The following CAMSAP1 variants were observed in gnomAD, a reference collection of about 807,000 sequenced individuals.
CAMSAP1 encodes the protein calmodulin-regulated spectrin-associated protein 1.
In CAMSAP1, 58 loss-of-function variants were observed where a neutral mutation model predicts 143.5. The ratio of observed to expected loss-of-function variants is 0.40; its 90% confidence interval spans 0.33 to 0.50. CAMSAP1 has a LOEUF of 0.50. CAMSAP1 is among the 20% of genes least tolerant of loss of function. CAMSAP1 has a pLI of 0.45. For missense variants in CAMSAP1, 1,969 were observed against 2,115.7 expected (o/e 0.93, Z 1.36); for synonymous variants, 945 against 859.3 (o/e 1.10, Z -1.74).
chr9:135,855,494 T>G (rs1003484885), intron 5 of CAMSAP1, among the ~76,000 whole-genome samples: 2 of 152,096 alleles, frequency 1.3e-5, no homozygotes, highest in African/African-American at 4.8e-5. Flanking sequence ...ATCCCAGCAC[T>G]TTCAGAGGCC....
intron 3 of CAMSAP1, among the ~76,000 whole-genome samples, chr9:135,876,924 G>T (rs149096688): frequency 6.6e-6 from 1 of 152,190 alleles, no homozygotes; most frequent in African/African-American, 2.4e-5. Flanking sequence ...CAAGAGAATC[G>T]CTTGAACCCA....
In CAMSAP1 at chr9:135,818,178, G is replaced by A. The variant is rs944865104; in HGVS notation, c.4169-99C>T. 63 of 1,301,026 alleles carry A rather than the reference G, an allele frequency of 4.8e-5. No homozygotes were observed. Among genetic ancestry groups the A allele is most frequent in the Non-Finnish European group, 6.6e-5 (62 of 933,326 alleles). The allele number at this position is 1,301,026 out of a possible 1,614,324, so 80.6% of individuals were successfully genotyped here. ...CCCCTCACCTCGCCCTGCAGAGCTCGGCCACACAGGCCGCGTCCCCACCCC... is the reference window on the plus strand; with the variant it reads ...CCCCTCACCTCGCCCTGCAGAGCTCAGCCACACAGGCCGCGTCCCCACCCC... On this transcript the variant is annotated intron_variant, in intron 13 of 16. Coordinates refer to ENST00000389532, the MANE Select transcript of CAMSAP1 (RefSeq NM_015447.4). The surrounding 1 kb of genome is among the most constrained non-coding windows in gnomAD (Gnocchi z 7.7).
chr9:135,867,262 A>T (rs141067394), intron 3 of CAMSAP1, among the ~76,000 whole-genome samples: 238 of 152,282 alleles, frequency 1.6e-3, no homozygotes, highest in African/African-American at 4.1e-3. Flanking sequence ...AGACAAAAAA[A>T]ATATAGATAA....
chr9:135,816,534 C>T (rs938449236), intron 14 of CAMSAP1, among the ~76,000 whole-genome samples: 5 of 152,242 alleles, frequency 3.3e-5, no homozygotes, highest in African/African-American at 1.2e-4. Context: ...CTGGACACAG[C>T]TGCTCAGAGA....
At chr9:135,840,444 G>A (rs543442805) in intron 7 of CAMSAP1, among the ~76,000 whole-genome samples, 14 of 152,168 alleles carry the variant, frequency 9.2e-5, no homozygotes, top group Non-Finnish European at 1.8e-4. Context: ...CATGACTCAC[G>A]ACGGGGTCCG....
intron 8 of CAMSAP1, among the ~76,000 whole-genome samples, chr9:135,825,782 T>A (rs528217982): frequency 2.6e-4 from 40 of 152,134 alleles, no homozygotes; most frequent in African/African-American, 9.6e-4. Flanking sequence ...AGGGGACAGC[T>A]CGGCACCCTA....
rs116949700 is a variant in CAMSAP1, at chr9:135,832,859, T to C, written c.1046-5275A>G. Among the ~76,000 whole-genome samples, 307 of 152,178 alleles carry C rather than the reference T, an allele frequency of 2.0e-3. 4 individuals carry two copies. Among genetic ancestry groups the C allele is most frequent in the East Asian group, 0.015 (78 of 5,188 alleles). ...TAAAAGATCTGTACACTGAAAACAA[T>C]AGAACACTGATGAAAGAAATTGAAG... On this transcript the variant is annotated intron_variant, in intron 7 of 16. Transcript: ENST00000389532.
rs530263189 is a variant in CAMSAP1, at chr9:135,812,855, G to T, written c.4507-1244C>A. The stretch of plus-strand genomic sequence containing the variant: ...GTGGTGGCACATGCCTGTAGTCCGA[G>T]CTACTCAGAGAATCGCTTGAGTCTG... On this transcript the variant is annotated intron_variant, in intron 16 of 16. Transcript: ENST00000389532. Among the ~76,000 whole-genome samples the T allele has an allele frequency of 2.0e-5, 3 of 152,010 alleles. No individual in the cohort carries two copies. The East Asian group carries it at 5.8e-4, about 29-fold the overall frequency.
intron 5 of CAMSAP1, among the ~76,000 whole-genome samples, chr9:135,855,219 T>A (rs1265537379): frequency 6.6e-6 from 1 of 151,760 alleles, no homozygotes; most frequent in African/African-American, 2.4e-5. Flanking sequence ...CTTGAACTCC[T>A]GACCTCTGGT....
intron 5 of CAMSAP1, among the ~76,000 whole-genome samples, chr9:135,860,874 T>C (rs908849398): frequency 3.3e-5 from 5 of 152,206 alleles, no homozygotes; most frequent in African/African-American, 1.2e-4. Flanking sequence ...CCCTGGCTCA[T>C]GGAAATGTCC....
At chr9:135,845,456 C>A (rs1406677365) in intron 7 of CAMSAP1, among the ~76,000 whole-genome samples, 1 of 152,158 alleles carries the variant, frequency 6.6e-6, no homozygotes, top group African/African-American at 2.4e-5. Flanking sequence ...AAAACCGGTA[C>A]AAGACAAGGA....
chr9:135,823,730 A>G (rs141689706), intron 10 of CAMSAP1, among the ~76,000 whole-genome samples: 1,546 of 152,268 alleles, frequency 0.01, 10 homozygotes, highest in Middle Eastern at 0.017. Flanking sequence ...CTGCCACACC[A>G]CATGGTATGC....
intron 5 of CAMSAP1, among the ~76,000 whole-genome samples, chr9:135,853,360 ATC>A (rs1836844346): frequency 6.6e-6 from 1 of 152,188 alleles, no homozygotes; most frequent in African/African-American, 2.4e-5. Flanking sequence ...CAGGCTGGGG[ATC>A]TGTGTGCCAA....
intron 3 of CAMSAP1, among the ~76,000 whole-genome samples, chr9:135,879,378 A>G (rs1217187849): frequency 3.9e-5 from 6 of 152,138 alleles, no homozygotes; most frequent in African/African-American, 7.2e-5. Context: ...GTGACCAAGC[A>G]GGGGAAAAAG....
rs1834938337 is a variant in CAMSAP1, at chr9:135,808,836, T to TA, written c.*2472dup. 1 of 152,392 alleles carries TA rather than the reference T, an allele frequency of 6.6e-6. No individual in the cohort carries two copies. Among genetic ancestry groups the TA allele is most frequent in the African/African-American group, 2.4e-5 (1 of 41,594 alleles). The allele number at this position is 152,392 out of a possible 1,614,324, so 9.4% of individuals were successfully genotyped here. On this transcript the variant is annotated 3_prime_UTR_variant, in exon 17 of 17. Coordinates refer to ENST00000389532, the MANE Select transcript of CAMSAP1 (RefSeq NM_015447.4). ...CAACCCTTCTGGGCTCCCAGAATTC[T>TA]AGCATTACCAAGGATTTACACATAA...
intron 15 of CAMSAP1, among the ~76,000 whole-genome samples, chr9:135,815,548 C>T (rs1470351749): frequency 1.3e-5 from 2 of 152,254 alleles, no homozygotes; most frequent in Non-Finnish European, 2.9e-5. Flanking sequence ...CACAGCAGCA[C>T]CTCCAGTTCA....
At chr9:135,896,263 T>C (rs1308816972) in intron 1 of CAMSAP1, among the ~76,000 whole-genome samples, 1 of 151,866 alleles carries the variant, frequency 6.6e-6, no homozygotes, top group East Asian at 1.9e-4. Context: ...AGAACTACAT[T>C]AATAAAGTAG....
chr9:135,834,334 G>A (rs1181219966), intron 7 of CAMSAP1, among the ~76,000 whole-genome samples: 2 of 152,130 alleles, frequency 1.3e-5, no homozygotes, highest in Non-Finnish European at 2.9e-5. Flanking sequence ...AATCTGCGTC[G>A]CTAAGAGTTA....
At chr9:135,855,974 C>G (rs1038180528) in intron 5 of CAMSAP1, among the ~76,000 whole-genome samples, 10 of 151,638 alleles carry the variant, frequency 6.6e-5, no homozygotes, top group African/African-American at 2.4e-4. Context: ...ATGGCGTGAA[C>G]CTGGGAGGTG....
Sources: gnomAD v4.1 joint callset for allele counts (sites outside exome capture counted in the v4.1 genomes callset) on GRCh38, gnomAD v4.1.1 for gene constraint, Gnocchi (gnomAD v3.1) non-coding constraint, MANE v1.5 for transcripts, NCBI Gene and HGNC (gene_info 2026-07-23, HGNC 2026-07-21) for gene names.